PRDM11: variants seen among roughly 807,000 people sequenced by gnomAD.
The protein encoded by PRDM11 is PR/SET domain 11.
In PRDM11, 20 loss-of-function variants were observed where a neutral mutation model predicts 97.8. The ratio of observed to expected loss-of-function variants is 0.20; its 90% CI spans 0.14 to 0.30. PRDM11 has a LOEUF of 0.30. PRDM11 is among the 10% of genes least tolerant of loss of function. The pLI is 1.00. For missense variants in PRDM11, 1,139 were observed against 1,555.2 expected (o/e 0.73, Z 4.50); for synonymous variants, 599 against 637.7 (o/e 0.94, Z 0.91).
Position 45,153,474 on chromosome 11 carries a change from C to T in PRDM11, c.-7+6597C>T, listed in dbSNP as rs577926756. 1.1e-3 allele frequency among the ~76,000 whole-genome samples: 168 copies of T among 152,326 alleles called. 5 individuals are homozygous for T. Among genetic ancestry groups the T allele is most frequent in the Admixed American group, 9.4e-3 (144 of 15,296 alleles). ...TGGACAGCTCCGGAGAAAGACGGAG[C>T]ACCAGTGAATGGCTTAGGGCCAGTC... On this transcript the variant is annotated intron_variant, in intron 1 of 7. Coordinates refer to ENST00000683152, the MANE Select transcript of PRDM11 (RefSeq NM_001384648.1).
rs535724505 is a variant in PRDM11, at chr11:45,231,340, C to G, written c.*3181C>G. ...GAGAAGGACTTGGACTGATGGGACACTCAGGGTCTAGCCCAGGGAGCATAT... is the reference window on the plus strand; with the variant it reads ...GAGAAGGACTTGGACTGATGGGACAGTCAGGGTCTAGCCCAGGGAGCATAT... On this transcript the variant is annotated 3_prime_UTR_variant, in exon 8 of 8. Transcript: ENST00000683152. The G allele has an allele frequency of 6.6e-6, 1 of 152,272 alleles. No homozygotes were observed. The highest frequency in any genetic ancestry group is 2.4e-5 in the African/African-American group (1 of 41,552). 9.4% of individuals were successfully genotyped at this position (152,272 alleles called of 1,614,324 possible). A position where few individuals can be genotyped will look rare whatever the true frequency, so the allele number is the denominator to read the frequency against.
At chr11:45,106,222 C>T (rs1421354133) in intron 1 of PRDM11, among the ~76,000 whole-genome samples, 1 of 152,138 alleles carries the variant, frequency 6.6e-6, no homozygotes, top group Non-Finnish European at 1.5e-5. Flanking sequence ...TAGGAGGTCC[C>T]AAGCTCCTGC....
chr11:45,182,714 G>A, intron 3 of PRDM11, 147 bp from the exon 4 acceptor site: 2 of 1,005,240 alleles, frequency 2.0e-6, no homozygotes, highest in Non-Finnish European at 2.9e-6. Context: ...AGCCCCCAGG[G>A]AGAGTATGGG....
chr11:45,096,837 G>T (rs879282872), intron 1 of PRDM11, among the ~76,000 whole-genome samples: 1 of 152,188 alleles, frequency 6.6e-6, no homozygotes, highest in Non-Finnish European at 1.5e-5. Context: ...AGAAGGGAAC[G>T]TTGTCATTTC....
upstream of PRDM11, among the ~76,000 whole-genome samples, chr11:45,142,308 C>T (rs1851423932): frequency 6.6e-6 from 1 of 152,196 alleles, no homozygotes; most frequent in Non-Finnish European, 1.5e-5. Flanking sequence ...GCACACTAGC[C>T]TTCTGCCACT....
At chr11:45,143,038 C>A (rs1392676544), upstream of PRDM11, among the ~76,000 whole-genome samples, 2 of 152,130 alleles carry the variant, frequency 1.3e-5, no homozygotes, top group African/African-American at 4.8e-5. Context: ...TCCTGGCAAC[C>A]CGTGCAAGAA....
chr11:45,210,333 C>T (rs1057016126), intron 5 of PRDM11, among the ~76,000 whole-genome samples: 1 of 152,204 alleles, frequency 6.6e-6, no homozygotes, highest in East Asian at 1.9e-4. Context: ...CTCACATGCA[C>T]TTTGAAGCCA....
intron 1 of PRDM11, among the ~76,000 whole-genome samples, chr11:45,129,598 C>T (rs960988658): frequency 1.3e-5 from 2 of 152,024 alleles, no homozygotes; most frequent in African/African-American, 4.8e-5. Context: ...GATATCCACC[C>T]TATAAAACAG....
intron 5 of PRDM11, among the ~76,000 whole-genome samples, chr11:45,215,135 C>CT (rs1853919390): frequency 1.3e-5 from 2 of 152,204 alleles, no homozygotes; most frequent in African/African-American, 4.8e-5. Flanking sequence ...TAGGGGCCAC[C>CT]TGGAGGCATG....
chr11:45,167,882 G>A (rs1408185727), intron 1 of PRDM11, among the ~76,000 whole-genome samples: 3 of 151,932 alleles, frequency 2.0e-5, no homozygotes, highest in Non-Finnish European at 4.4e-5. Context: ...TGCATGCTTC[G>A]GGATGATGTA....
At chr11:45,127,330 C>T in intron 1 of PRDM11, among the ~76,000 whole-genome samples, 1 of 152,104 alleles carries the variant, frequency 6.6e-6, no homozygotes, top group Non-Finnish European at 1.5e-5. Context: ...CCTTCTTCTC[C>T]CAACTTGTCA....
Position 45,227,990 on chromosome 11 carries a change from C to G in PRDM11, c.3365C>G (p.Pro1122Arg). 6.5e-7 allele frequency: 1 copy of G among 1,533,768 alleles called. No homozygotes were observed. Among genetic ancestry groups the G allele is most frequent in the Non-Finnish European group, 8.7e-7 (1 of 1,146,714 alleles). ...CTGTTGACAATCGCTGTAAACGGAC[C>G]GCCAATCACCAACTTTGATGCCAAG... ...SDLLTIAVNG[P>R]PITNFDAKRA... Residue 1122 changes from proline to arginine, a missense_variant, in exon 8 of 8, where the codon CCG becomes CGG. Around this residue, in one of 2 missense-constraint regions of PRDM11, gnomAD observed 710 missense variants for 1,044.9 expected, o/e 0.68. Transcript: ENST00000683152. The surrounding 1 kb of genome is among the most constrained non-coding windows in gnomAD (Gnocchi z 8.0).
At chr11:45,142,522 C>T (rs191710342), upstream of PRDM11, among the ~76,000 whole-genome samples, 10 of 152,302 alleles carry the variant, frequency 6.6e-5, no homozygotes, top group East Asian at 1.2e-3. Context: ...ATTCCCATAC[C>T]TCTCCACCTT....
intron 4 of PRDM11, among the ~76,000 whole-genome samples, chr11:45,196,974 C>G (rs1378497862): frequency 6.6e-6 from 1 of 152,174 alleles, no homozygotes; most frequent in Non-Finnish European, 1.5e-5. Flanking sequence ...AATACTAATG[C>G]TTGTTGCATG....
rs1854370125 is a variant in PRDM11, at chr11:45,230,058, A to C, written c.*1899A>C. The stretch of plus-strand genomic sequence containing the variant: ...TACCAATCCCTTCCCCTTCACCTCC[A>C]TGGTCTTGGTGCTAAGATAACTTTA... On this transcript the variant is annotated 3_prime_UTR_variant, in exon 8 of 8. Coordinates refer to ENST00000683152, the MANE Select transcript of PRDM11 (RefSeq NM_001384648.1). 6.6e-6 allele frequency: 1 copy of C among 151,646 alleles called. No homozygotes were observed. The highest frequency in any genetic ancestry group is 2.4e-5 in the African/African-American group (1 of 41,264). The allele number at this position is 151,646 out of a possible 1,614,324, so 9.4% of individuals were successfully genotyped here.
At chr11:45,138,303 C>G (rs558269474) in intron 1 of PRDM11, among the ~76,000 whole-genome samples, 1 of 152,282 alleles carries the variant, frequency 6.6e-6, no homozygotes, top group Non-Finnish European at 1.5e-5. Flanking sequence ...GTGGTGCTCC[C>G]GCCTATAATC....
intron 1 of PRDM11, among the ~76,000 whole-genome samples, chr11:45,130,589 C>T (rs1017564519): frequency 6.6e-6 from 1 of 152,096 alleles, no homozygotes; most frequent in African/African-American, 2.4e-5. Context: ...ACACCTGGAA[C>T]TCACTCATGT....
intron 1 of PRDM11, among the ~76,000 whole-genome samples, chr11:45,167,759 CCACACA>C (rs34333065): frequency 0.18 from 26,422 of 142,986 alleles, 2,729 homozygotes; most frequent in Non-Finnish European, 0.25. Context: ...TCATTTCACA[CCACACA>C]CACACACACA....
intron 4 of PRDM11, among the ~76,000 whole-genome samples, chr11:45,188,882 C>T (rs1009842270): frequency 3.3e-5 from 5 of 152,146 alleles, no homozygotes; most frequent in African/African-American, 9.7e-5. Flanking sequence ...AGGAAGCCAA[C>T]ATGGGATTTT....
Sources: allele counts gnomAD v4.1 joint callset (sites outside exome capture counted in the v4.1 genomes callset), GRCh38; gene constraint gnomAD v4.1.1; regional missense constraint gnomAD v4.1.1; non-coding constraint Gnocchi (gnomAD v3.1); transcripts MANE v1.5; gene names NCBI Gene and HGNC (gene_info 2026-07-23, HGNC 2026-07-21).